RIMS1: variants seen among roughly 807,000 people sequenced by gnomAD.
RIMS1 encodes regulating synaptic membrane exocytosis 1, also known as regulating synaptic membrane exocytosis protein 1.
RIMS1 carries 83 observed loss-of-function variants against 214.1 expected under a neutral mutation model. That is an observed-to-expected ratio of 0.39 (90% CI 0.32 to 0.47). RIMS1 has a LOEUF of 0.47. Among genes scored for constraint, RIMS1 ranks in the 20% least tolerant of loss-of-function variants. RIMS1 has a pLI of 0.99. For synonymous variants in RIMS1, 793 were observed against 786.8 expected (o/e 1.01, Z -0.13); for missense variants, 2,050 against 2,161.8 (o/e 0.95, Z 1.03).
chr6:72,310,758 T>C (rs2095471117), intron 27 of RIMS1, among the ~76,000 whole-genome samples: 1 of 152,100 alleles, frequency 6.6e-6, no homozygotes, highest in South Asian at 2.1e-4. Flanking sequence ...TAACAGATCA[T>C]GCCTGATGAA....
At chr6:72,336,669 G>T (rs2746205) in intron 29 of RIMS1, among the ~76,000 whole-genome samples, 16,830 of 151,694 alleles carry the variant, frequency 0.11, 1,027 homozygotes, top group Non-Finnish European at 0.13. Context: ...AAAATTTTAT[G>T]CTTCTCTTTC....
At chr6:72,339,611 A>T (rs2096974082) in intron 29 of RIMS1, among the ~76,000 whole-genome samples, 1 of 152,066 alleles carries the variant, frequency 6.6e-6, no homozygotes, top group African/African-American at 2.4e-5. Context: ...AAAGGACATG[A>T]ACTCATCATT....
chr6:72,371,531 A>G (rs925445727), intron 29 of RIMS1, among the ~76,000 whole-genome samples: 3 of 152,182 alleles, frequency 2.0e-5, no homozygotes, highest in African/African-American at 7.2e-5. Flanking sequence ...GTTTATTTGC[A>G]TATGTAGTTG....
rs187397570 is a variant in RIMS1, at chr6:72,376,991, G to A, written c.4367-13607G>A. 9.9e-5 allele frequency among the ~76,000 whole-genome samples: 15 copies of A among 152,240 alleles called. No homozygotes were observed. In the Middle Eastern group the frequency reaches 0.014, roughly 138 times the overall value. ...TTACTGGAGGCCCTGAGCAATAAAT[G>A]GAAGTACACATTCATATATGCCATT... On this transcript the variant is annotated intron_variant, in intron 29 of 33. Coordinates refer to ENST00000521978, the MANE Select transcript of RIMS1 (RefSeq NM_014989.7).
chr6:72,207,885 A>C (rs1437000559), intron 6 of RIMS1, among the ~76,000 whole-genome samples: 2 of 152,172 alleles, frequency 1.3e-5, no homozygotes, highest in African/African-American at 4.8e-5. Flanking sequence ...AGGAATCTCT[A>C]ATCTCCAAGT....
intron 6 of RIMS1, among the ~76,000 whole-genome samples, chr6:72,207,614 C>T (rs2496530): frequency 0.71 from 107,736 of 151,994 alleles, 38,527 homozygotes; most frequent in East Asian, 0.84. Context: ...TAAATATATC[C>T]ATTTAATGGC....
intron 6 of RIMS1, among the ~76,000 whole-genome samples, chr6:72,209,745 C>T (rs1041411009): frequency 6.6e-6 from 1 of 151,646 alleles, no homozygotes; most frequent in Admixed American, 6.6e-5. Context: ...ACTAAAAATA[C>T]AAAAAATTAG....
chr6:71,999,569 A>T (rs773288011), intron 2 of RIMS1, among the ~76,000 whole-genome samples: 1 of 152,148 alleles, frequency 6.6e-6, no homozygotes, highest in East Asian at 1.9e-4. Context: ...CTAACCTTGG[A>T]TGGTTTTAAT....
rs552362298 is a variant in RIMS1, at chr6:72,403,092, G to A, written c.*2378G>A. The A allele has an allele frequency of 1.3e-5, 2 of 152,312 alleles. No individual in the cohort carries two copies. The highest frequency in any genetic ancestry group is 1.9e-4 in the East Asian group (1 of 5,192). The allele number at this position is 152,312 out of a possible 1,614,324, so 9.4% of individuals were successfully genotyped here. On this transcript the variant is annotated 3_prime_UTR_variant, in exon 34 of 34. Transcript: ENST00000521978. ...AAATCTCAGTAAGAATCAAATGGAAGGTTGTTTTCTGCTGCTGTTTGAATG... is the reference window on the plus strand; with the variant it reads ...AAATCTCAGTAAGAATCAAATGGAAAGTTGTTTTCTGCTGCTGTTTGAATG...
intron 4 of RIMS1, 181 bp from the exon 5 acceptor site, chr6:72,179,394 T>A (rs2048149557): frequency 6.1e-6 from 4 of 657,960 alleles, no homozygotes; most frequent in Non-Finnish European, 8.1e-6. Flanking sequence ...CTCAGACAAG[T>A]CCCTGTCTAG....
chr6:72,141,377 C>T (rs1017443536), intron 4 of RIMS1, among the ~76,000 whole-genome samples: 2 of 151,826 alleles, frequency 1.3e-5, no homozygotes, highest in African/African-American at 2.4e-5. Context: ...TCCTCCCCCT[C>T]AAAAAAAGTT....
chr6:71,962,791 C>A (rs1192493535), intron 1 of RIMS1, among the ~76,000 whole-genome samples: 1 of 152,052 alleles, frequency 6.6e-6, no homozygotes, highest in Admixed American at 6.6e-5. Context: ...TTATCAATTG[C>A]ATTCTACTTG....
intron 4 of RIMS1, among the ~76,000 whole-genome samples, chr6:72,169,286 T>C (rs778993455): frequency 9.2e-5 from 14 of 152,236 alleles, no homozygotes; most frequent in Non-Finnish European, 2.1e-4. Context: ...GCATAATGCA[T>C]TACACAAATA....
At chr6:72,302,435 T>C (rs2094717599) in intron 26 of RIMS1, among the ~76,000 whole-genome samples, 1 of 151,698 alleles carries the variant, frequency 6.6e-6, no homozygotes, top group Non-Finnish European at 1.5e-5. Flanking sequence ...TATTCAGTCT[T>C]GGTATAGTCT....
intron 1 of RIMS1, among the ~76,000 whole-genome samples, chr6:71,915,427 T>C (rs1379648541): frequency 6.6e-6 from 1 of 152,180 alleles, no homozygotes; most frequent in Non-Finnish European, 1.5e-5. Context: ...GTGTTTGCTC[T>C]GTGTAGGTGG....
rs2080077422 is a variant in RIMS1, at chr6:72,265,452, A to G, written c.3257A>G (p.His1086Arg). 6 of 1,610,294 alleles carry G rather than the reference A, an allele frequency of 3.7e-6. No homozygotes were observed. Among genetic ancestry groups the G allele is most frequent in the Non-Finnish European group, 5.1e-6 (6 of 1,177,314 alleles). Residue 1086 changes from histidine (H) to arginine (R), a missense_variant, in exon 21 of 34, where the codon CAT becomes CGT. His to Arg is a conservative substitution (Grantham distance 29, BLOSUM62 0). This residue lies in a region of RIMS1 where 889 missense variants were observed against 885.5 expected (regional missense o/e 1.00). Transcript: ENST00000521978. The part of the protein sequence containing the change: ...SVTRQDISLH[H>R]ECFNSTVLRF... ...ACTAGACAGGACATTTCCCTTCATCATGAATGCTTTAACTCAACAGTATTG... is the reference window on the plus strand; with the variant it reads ...ACTAGACAGGACATTTCCCTTCATCGTGAATGCTTTAACTCAACAGTATTG...
At chr6:72,317,664 G>A (rs2095876830) in intron 28 of RIMS1, among the ~76,000 whole-genome samples, 1 of 152,040 alleles carries the variant, frequency 6.6e-6, no homozygotes. Flanking sequence ...ATTCAGTAAG[G>A]CAATACAGGA....
chr6:71,979,077 G>C lies in RIMS1; in HGVS notation c.245+10014G>C, dbSNP rs545553055. 1.3e-4 allele frequency among the ~76,000 whole-genome samples: 20 copies of C among 152,124 alleles called. No homozygotes were observed. In the East Asian group the frequency reaches 2.1e-3, roughly 16 times the overall value. On this transcript the variant is annotated intron_variant, in intron 2 of 33. Transcript: ENST00000521978. ...TTACAAAGCCCCTTGTTCTGCCATAGCTATTTTAATGATAATATTGTGTTT... is the reference window on the plus strand; with the variant it reads ...TTACAAAGCCCCTTGTTCTGCCATACCTATTTTAATGATAATATTGTGTTT...
intron 6 of RIMS1, among the ~76,000 whole-genome samples, chr6:72,225,250 G>A (rs2059843720): frequency 6.6e-6 from 1 of 151,948 alleles, no homozygotes; most frequent in Non-Finnish European, 1.5e-5. Context: ...TAGATTAATA[G>A]TATATTTTAA....
Sources: gnomAD v4.1 joint callset for allele counts (sites outside exome capture counted in the v4.1 genomes callset) on GRCh38, gnomAD v4.1.1 for gene constraint, gnomAD v4.1.1 regional missense constraint, MANE v1.5 for transcripts, NCBI Gene and HGNC (gene_info 2026-07-23, HGNC 2026-07-21) for gene names.